XIRP2: variants seen among roughly 807,000 people sequenced by gnomAD.
XIRP2 encodes the protein xin actin-binding repeat-containing protein 2.
Under a neutral mutation model 277.0 loss-of-function variants are expected in XIRP2, and 236 were observed. The observed-to-expected ratio is 0.85, with a 90% CI of 0.77 to 0.95. XIRP2 has a LOEUF of 0.95. XIRP2 is among the 40% of genes least tolerant of loss of function. XIRP2 has a pLI of 0.00. For synonymous variants in XIRP2, 1,490 were observed against 1,416.5 expected, an observed-to-expected ratio of 1.05 and a Z score of -1.17; for missense variants, 4,640 against 4,157.5, an observed-to-expected ratio of 1.12 and a Z score of -3.19.
At position 167,136,069 on chromosome 2, in the gene XIRP2, A is replaced by G. The variant is rs950631346; in HGVS notation, c.562+7A>G. ...CACAGCCGCATCTTTGAAGGTTAGC[A>G]TAACATTTTGATATGCTTTCTTGAC... On this transcript the variant is annotated splice_region_variant and intron_variant, in intron 3 of 10. Coordinates refer to ENST00000409195, the MANE Select transcript of XIRP2 (RefSeq NM_152381.6). 4 of 1,590,540 alleles carry G rather than the reference A, an allele frequency of 2.5e-6. 1 individual carries two copies. Among genetic ancestry groups the G allele is most frequent in the Non-Finnish European group, 2.6e-6 (3 of 1,170,926 alleles).
intron 2 of XIRP2, among the ~76,000 whole-genome samples, chr2:167,037,804 A>G (rs1283887744): frequency 6.6e-6 from 1 of 152,082 alleles, no homozygotes; most frequent in Non-Finnish European, 1.5e-5. Flanking sequence ...ACTCTATGAA[A>G]ATATAGGAAA....
At chr2:166,979,279 C>T (rs1293855072) in intron 2 of XIRP2, among the ~76,000 whole-genome samples, 1 of 151,930 alleles carries the variant, frequency 6.6e-6, no homozygotes, top group Admixed American at 6.6e-5. Context: ...GTCTGTCTTC[C>T]CAATTAAGGT....
chr2:167,048,493 C>G (rs189876575), intron 2 of XIRP2, among the ~76,000 whole-genome samples: 3 of 151,162 alleles, frequency 2.0e-5, no homozygotes, highest in Non-Finnish European at 3.0e-5. Flanking sequence ...CTCTTTTTTT[C>G]CCCTTCTCTT....
chr2:167,022,430 T>C (rs1271060385), intron 2 of XIRP2, among the ~76,000 whole-genome samples: 1 of 152,218 alleles, frequency 6.6e-6, no homozygotes, highest in Non-Finnish European at 1.5e-5. Flanking sequence ...AATTGCATAA[T>C]GTTATGTATT....
At chr2:167,206,915 T>G (rs1390391782) in intron 3 of XIRP2, among the ~76,000 whole-genome samples, 1 of 152,190 alleles carries the variant, frequency 6.6e-6, no homozygotes, top group African/African-American at 2.4e-5. Context: ...GTGACAAAGA[T>G]TGTGTCAAAT....
intron 2 of XIRP2, among the ~76,000 whole-genome samples, chr2:167,010,641 A>G (rs968407130): frequency 1.3e-5 from 2 of 152,120 alleles, no homozygotes; most frequent in African/African-American, 4.8e-5. Flanking sequence ...ATGGCATTGA[A>G]TCTATAAATT....
rs556378759 is a variant in XIRP2 at position 167,138,837 on chromosome 2, G to A, written c.562+2775G>A. 1.3e-3 allele frequency among the ~76,000 whole-genome samples: 204 copies of A among 152,170 alleles called. 1 individual carries two copies. The highest frequency in any genetic ancestry group is 4.6e-3 in the African/African-American group (191 of 41,554). ...TCCCAGCATTTTGGGAGGCCAAGGC[G>A]GGCGAATCACCTAGGGTCAGGAGTT... On this transcript the variant is annotated intron_variant, in intron 3 of 10. Coordinates refer to ENST00000409195, the MANE Select transcript of XIRP2 (RefSeq NM_152381.6).
At chr2:166,940,130 A>G (rs1356124739) in intron 2 of XIRP2, among the ~76,000 whole-genome samples, 2 of 152,090 alleles carry the variant, frequency 1.3e-5, no homozygotes, top group Non-Finnish European at 2.9e-5. Flanking sequence ...TATTTCTTGG[A>G]GGCTTTGTTT....
At chr2:166,938,992 C>T (rs1159820504) in intron 2 of XIRP2, among the ~76,000 whole-genome samples, 3 of 152,130 alleles carry the variant, frequency 2.0e-5, no homozygotes, top group Non-Finnish European at 1.5e-5. Flanking sequence ...TGTCTCTGCA[C>T]ATGAGGTGGG....
At position 167,053,391 on chromosome 2, in the gene XIRP2, C is replaced by T. The variant is rs1011497774; in HGVS notation, c.409-82518C>T. On this transcript the variant is annotated intron_variant, in intron 2 of 10. Transcript: ENST00000409195. Reference sequence around the variant, plus strand: ...GATAATGTTCTCTTGTCTTTCAATCCATCATTTGACATTGTTTCTTCCCTT... The same window carrying T: ...GATAATGTTCTCTTGTCTTTCAATCTATCATTTGACATTGTTTCTTCCCTT... Among the ~76,000 whole-genome samples the T allele has an allele frequency of 5.3e-5, 8 of 152,108 alleles. No homozygotes were observed. The East Asian group carries it at 1.5e-3, about 29-fold the overall frequency.
At chr2:167,215,973 C>T (rs537567447) in intron 4 of XIRP2, among the ~76,000 whole-genome samples, 76 of 151,758 alleles carry the variant, frequency 5.0e-4, no homozygotes, top group Non-Finnish European at 7.7e-4. Flanking sequence ...TCAGAAATAA[C>T]GCCGCATACC....
At chr2:166,899,610 C>T (rs1007006347) in intron 1 of XIRP2, among the ~76,000 whole-genome samples, 5 of 151,900 alleles carry the variant, frequency 3.3e-5, no homozygotes, top group African/African-American at 4.8e-5. Context: ...ATTTTTTCTT[C>T]GTTATTGAAA....
chr2:167,226,779 C>T (rs892944916), intron 5 of XIRP2, among the ~76,000 whole-genome samples: 1 of 152,088 alleles, frequency 6.6e-6, no homozygotes. Flanking sequence ...TAGGTTCCCA[C>T]ATCTCTCTGG....
Position 167,169,614 on chromosome 2 carries a change from G to A in XIRP2, c.562+33552G>A, listed in dbSNP as rs75749667. On this transcript the variant is annotated intron_variant, in intron 3 of 10. Transcript: ENST00000409195. ...TTTTGACTTCTCAAGACTGAGTGAG[G>A]GGTAACCTCCAAGCTTATTACATAC... 8.1e-3 allele frequency among the ~76,000 whole-genome samples: 1,229 copies of A among 152,212 alleles called. 43 individuals carry two copies. In the East Asian group the frequency reaches 0.093, roughly 12 times the overall value.
At chr2:167,117,130 G>C (rs535908838) in intron 2 of XIRP2, among the ~76,000 whole-genome samples, 1 of 152,208 alleles carries the variant, frequency 6.6e-6, no homozygotes, top group East Asian at 1.9e-4. Context: ...TTTATTACTT[G>C]GTTAATAGAA....
At chr2:167,221,400 C>T (rs57199377) in intron 5 of XIRP2, among the ~76,000 whole-genome samples, 14,983 of 131,890 alleles carry the variant, frequency 0.11, 837 homozygotes, top group South Asian at 0.19. Flanking sequence ...GTGAAGATTG[C>T]GGTGAGCCGA....
chr2:167,122,906 AG>A (rs1691096203), intron 2 of XIRP2, among the ~76,000 whole-genome samples: 1 of 152,076 alleles, frequency 6.6e-6, no homozygotes, highest in South Asian at 2.1e-4. Flanking sequence ...TCTTCATGCC[AG>A]GGACTTCCAT....
chr2:167,229,756 G>A (rs909589089), intron 5 of XIRP2, among the ~76,000 whole-genome samples: 3 of 152,024 alleles, frequency 2.0e-5, no homozygotes, highest in African/African-American at 7.2e-5. Flanking sequence ...AGAACACAAG[G>A]CTTGAAAAAA....
intron 2 of XIRP2, among the ~76,000 whole-genome samples, chr2:167,057,154 G>A (rs113881375): frequency 2.6e-5 from 4 of 151,946 alleles, no homozygotes; most frequent in African/African-American, 4.8e-5. Flanking sequence ...CATCATCATC[G>A]TCATCTATGA....
Sources: gnomAD v4.1 joint callset for allele counts (sites outside exome capture counted in the v4.1 genomes callset) on GRCh38, gnomAD v4.1.1 for gene constraint, MANE v1.5 for transcripts, NCBI Gene and HGNC (gene_info 2026-07-23, HGNC 2026-07-21) for gene names.